TUBGCP6: variants seen among roughly 807,000 people sequenced by gnomAD.
The protein encoded by TUBGCP6 is tubulin gamma complex component 6, also known as gamma-tubulin complex component 6.
Under a neutral mutation model 175.8 loss-of-function variants are expected in TUBGCP6, and 161 were observed. The observed-to-expected ratio is 0.92, with a 90% CI of 0.81 to 1.04. TUBGCP6 has a LOEUF of 1.04. TUBGCP6 is among the 50% of genes least tolerant of loss of function. The pLI, the probability that TUBGCP6 is intolerant of heterozygous loss-of-function variation, is 0.00. For synonymous variants in TUBGCP6, 1,173 were observed against 1,030.5 expected (o/e 1.14, Z -2.65); for missense variants, 2,572 against 2,433.0 (o/e 1.06, Z -1.20).
chr22:50,218,343 C>T lies in TUBGCP6; in HGVS notation c.5014G>A (p.Glu1672Lys), dbSNP rs755081490. Residue 1672 changes from glutamate (E) to lysine (K), a missense_variant, in exon 23 of 25, where the codon GAG becomes AAG. Coordinates refer to ENST00000248846, the MANE Select transcript of TUBGCP6 (RefSeq NM_020461.4). Reference sequence around the variant, plus strand: ...ATGACCTTCACGAAATGCTGCATCTCGTGCTTGAACAGCTGCAGCTGACGG... The same window carrying T: ...ATGACCTTCACGAAATGCTGCATCTTGTGCTTGAACAGCTGCAGCTGACGG... ...QFRQLQLFKH[E>K]MQHFVKVIQG... 11 of 1,612,968 alleles carry T rather than the reference C, an allele frequency of 6.8e-6. No homozygotes were observed. In the Admixed American group the frequency reaches 1.2e-4, roughly 17 times the overall value.
Position 50,219,178 on chromosome 22 carries a change from A to G in TUBGCP6, c.4516T>C (p.Tyr1506His). Residue 1506 changes from tyrosine (Y) to histidine (H), a missense_variant, in exon 20 of 25, where the codon TAC (tyrosine) becomes CAC (histidine). Tyr to His is a moderately conservative substitution (Grantham distance 83). Transcript: ENST00000248846. The stretch of plus-strand genomic sequence containing the variant: ...TCCAGGTGCAGCTCCACGAAGAAGT[A>G]GTCGACAGCGGCCTTGTTCACCAAG... Reference protein sequence around the residue: ...ISLVNKAAVDYFFVELHLEAH... With the variant: ...ISLVNKAAVDHFFVELHLEAH... The G allele has an allele frequency of 6.2e-7, 1 of 1,612,070 alleles. No homozygotes were observed. Among genetic ancestry groups the G allele is most frequent in the Non-Finnish European group, 8.5e-7 (1 of 1,179,984 alleles).
At position 50,226,616 on chromosome 22, in the gene TUBGCP6, C is replaced by T. The variant is rs2064614599; in HGVS notation, c.1601+117G>A. On this transcript the variant is annotated intron_variant, in intron 7 of 24. Transcript: ENST00000248846. The stretch of plus-strand genomic sequence containing the variant: ...GGGGCTCCTGCCCAGTCCACCTATC[C>T]TGCCCTCCCCTTCCTGTGTGACCCC... 1.2e-5 allele frequency: 12 copies of T among 974,942 alleles called. No homozygotes were observed. In the South Asian group the frequency reaches 1.7e-4, roughly 14 times the overall value. 60.4% of individuals were successfully genotyped at this position (974,942 alleles called of 1,614,324 possible). A position where few individuals can be genotyped will look rare whatever the true frequency, so the allele number is the denominator to read the frequency against.
chr22:50,225,257 C>G (rs1416566067), intron 10 of TUBGCP6, among the ~76,000 whole-genome samples: 1 of 152,148 alleles, frequency 6.6e-6, no homozygotes, highest in African/African-American at 2.4e-5. Flanking sequence ...CCCAAGTATC[C>G]CTGCTGCCCA....
Position 50,244,595 on chromosome 22 carries a change from G to C in TUBGCP6, c.-136C>G. Reference sequence around the variant, plus strand: ...GCGGCCTCTCCAATGCCGAAGCTCAGAACTGGTATTTTTTAAAGGAGGTCT... The same window carrying C: ...GCGGCCTCTCCAATGCCGAAGCTCACAACTGGTATTTTTTAAAGGAGGTCT... On this transcript the variant is annotated 5_prime_UTR_variant, in exon 1 of 25. Transcript: ENST00000248846. The C allele has an allele frequency of 1.5e-6, 2 of 1,369,426 alleles. No homozygotes were observed. Among genetic ancestry groups the C allele is most frequent in the East Asian group, 5.1e-5 (2 of 39,330 alleles). 84.8% of individuals were successfully genotyped at this position (1,369,426 alleles called of 1,614,324 possible). A position where few individuals can be genotyped will look rare whatever the true frequency, so the allele number is the denominator to read the frequency against.
At position 50,218,885 on chromosome 22, in the gene TUBGCP6, G is replaced by A. The variant is rs1244829942; in HGVS notation, c.4639C>T (p.Gln1547Ter). 6.2e-7 allele frequency: 1 copy of A among 1,611,388 alleles called. No homozygotes were observed. The highest frequency in any genetic ancestry group is 8.5e-7 in the Non-Finnish European group (1 of 1,178,578). The change falls in exon 21 of 25, where the codon CAA (glutamine) becomes TAA (stop). Residue 1547 changes from glutamine (Q) to a stop codon, truncating the protein, a stop_gained. Coordinates refer to ENST00000248846, the MANE Select transcript of TUBGCP6 (RefSeq NM_020461.4). LOFTEE classifies it high-confidence loss of function. ...GGGTTGAGCAGCTCTCCGGGCGTTT[G>A]CCCAGCTCCAAGCTAGGCAGAAAAG... is the stretch of plus-strand genomic sequence containing the variant. ...DLLFEKLGAG[Q>*]TPGELLNPLV... is the part of the protein sequence containing the mutation.
chr22:50,242,448 G>A (rs1433701310), intron 1 of TUBGCP6, among the ~76,000 whole-genome samples: 1 of 152,124 alleles, frequency 6.6e-6, no homozygotes, highest in Non-Finnish European at 1.5e-5. Flanking sequence ...AGTGAGCCGA[G>A]ACCACACCAC....
chr22:50,218,786 G>C lies in TUBGCP6; in HGVS notation c.4738C>G (p.Leu1580Val), dbSNP rs1479875415. Residue 1580 changes from leucine to valine, a missense_variant, in exon 21 of 25, where the codon CTC becomes GTC. Transcript: ENST00000248846. Reference sequence around the variant, plus strand: ...GGCAGGTACTTGAGAGCGAGGGAGAGGTTGGAGGCGTGCGGGGTGTCCCCA... The same window carrying C: ...GGCAGGTACTTGAGAGCGAGGGAGACGTTGGAGGCGTGCGGGGTGTCCCCA... The part of the protein sequence containing the change: ...LHGDTPHASN[L>V]SLALKYLPEV... 6.2e-7 allele frequency: 1 copy of C among 1,614,004 alleles called. No homozygotes were observed. The highest frequency in any genetic ancestry group is 1.3e-5 in the African/African-American group (1 of 74,948).
intron 1 of TUBGCP6, 62 bp downstream of exon 1, chr22:50,243,657 G>GAAGAAGAAGAAGAAGAAGAAGA (rs1426544496): frequency 9.5e-7 from 1 of 1,052,958 alleles, no homozygotes; most frequent in Admixed American, 2.4e-5. Flanking sequence ...GAAGAAGAAA[G>GAAGAAGAAGAAGAAGAAGAAGA]GTCACAGGAA....
intron 1 of TUBGCP6, among the ~76,000 whole-genome samples, chr22:50,241,806 G>T (rs922481029): frequency 2.0e-5 from 3 of 152,038 alleles, no homozygotes; most frequent in Non-Finnish European, 4.4e-5. Context: ...TAACAGCGCA[G>T]CCTGGCATTT....
At chr22:50,241,508 A>C (rs373496677) in intron 1 of TUBGCP6, among the ~76,000 whole-genome samples, 2 of 152,044 alleles carry the variant, frequency 1.3e-5, no homozygotes, top group South Asian at 4.1e-4. Context: ...CAGAGGCCTA[A>C]ACGTCTCCCT....
chr22:50,227,829 G>A (rs2064634928), intron 5 of TUBGCP6, 78 bp downstream of exon 5: 2 of 1,533,640 alleles, frequency 1.3e-6, no homozygotes, highest in Non-Finnish European at 1.8e-6. Flanking sequence ...CCAGGGAGCA[G>A]GGCAAACCCT....
chr22:50,237,798 C>T (rs1601604942), intron 2 of TUBGCP6, among the ~76,000 whole-genome samples: 1 of 152,088 alleles, frequency 6.6e-6, no homozygotes, highest in Admixed American at 6.5e-5. Context: ...ATCAGCAACC[C>T]GAAAAAATGA....
intron 13 of TUBGCP6, among the ~76,000 whole-genome samples, chr22:50,222,821 C>G (rs1181165582): frequency 6.6e-6 from 1 of 152,228 alleles, no homozygotes; most frequent in Non-Finnish European, 1.5e-5. Context: ...CAGCGTCCAG[C>G]CAGGGCTCAG....
chr22:50,226,367 T>A lies in TUBGCP6; in HGVS notation c.1613A>T (p.Asp538Val), dbSNP rs1460307004. 3 of 1,608,640 alleles carry A rather than the reference T, an allele frequency of 1.9e-6. No homozygotes were observed. The Admixed American group carries it at 5.1e-5, about 27-fold the overall frequency. ...SCEPYTRFIHDWVYSGVFRDA... is the reference protein window; with the variant it reads ...SCEPYTRFIHVWVYSGVFRDA... ...TCTGAACACCCCGCTGTACACCCAG[T>A]CGTGGATGAACCTGCAGTGGGGGAA... The change falls in exon 8 of 25, where the codon GAC (aspartate) becomes GTC (valine). Residue 538 changes from aspartate to valine, a missense_variant. By Grantham distance (152) the Asp-to-Val change is radical. Transcript: ENST00000248846.
At chr22:50,227,493 G>A (rs1050693311) in intron 5 of TUBGCP6, among the ~76,000 whole-genome samples, 9 of 152,246 alleles carry the variant, frequency 5.9e-5, no homozygotes, top group Admixed American at 1.3e-4. Flanking sequence ...TCTCCTCAGC[G>A]CTGCCACACT....
chr22:50,226,692 G>A, intron 7 of TUBGCP6, 41 bp downstream of exon 7: 1 of 1,492,252 alleles, frequency 6.7e-7, no homozygotes, highest in Non-Finnish European at 9.1e-7. Flanking sequence ...TCTGCCTGGT[G>A]GGAGTGCGCG....
chr22:50,243,388 G>A (rs1275410643), intron 1 of TUBGCP6, among the ~76,000 whole-genome samples: 4 of 151,716 alleles, frequency 2.6e-5, no homozygotes, highest in East Asian at 1.9e-4. Context: ...GGGAGGCGGC[G>A]GTTACAGTGA....
chr22:50,240,119 C>T, intron 2 of TUBGCP6, 85 bp downstream of exon 2: 1 of 1,571,878 alleles, frequency 6.4e-7, no homozygotes, highest in Admixed American at 1.8e-5. Context: ...CCCCTGAGTA[C>T]ACAACGCCCC....
chr22:50,231,603 T>G (rs571550510), intron 3 of TUBGCP6, among the ~76,000 whole-genome samples: 1 of 152,284 alleles, frequency 6.6e-6, no homozygotes, highest in Non-Finnish European at 1.5e-5. Flanking sequence ...CTCACGCCTG[T>G]AATCCCAGCA....
Sources: allele counts gnomAD v4.1 joint callset (sites outside exome capture counted in the v4.1 genomes callset), GRCh38; gene constraint gnomAD v4.1.1; transcripts MANE v1.5; gene names NCBI Gene and HGNC (gene_info 2026-07-23, HGNC 2026-07-21).